The following SNU13 variants were observed in gnomAD, a reference collection of about 807,000 sequenced individuals.
The protein encoded by SNU13 is small nuclear ribonucleoprotein 13, also known as NHP2-like protein 1.
SNU13 carries 2 observed loss-of-function variants against 12.4 expected under a neutral mutation model. That is an observed-to-expected ratio of 0.16 (90% confidence interval 0.07 to 0.51). SNU13 has a LOEUF of 0.51. Ranked by LOEUF, SNU13 falls within the 20% of genes least tolerant of loss-of-function variation. The pLI is 0.96. For missense variants in SNU13, 66 were observed against 157.8 expected (o/e 0.42, Z 3.12); for synonymous variants, 68 against 66.5 (o/e 1.02, Z -0.11).
At chr22:41,688,684 C>G (rs2068332748) in intron 1 of SNU13, 110 bp downstream of exon 1, 1 of 1,450,660 alleles carries the variant, frequency 6.9e-7, no homozygotes, top group Non-Finnish European at 9.3e-7. Context: ...TAAGACCCAA[C>G]GCCGGCGGAT....
intron 1 of SNU13, among the ~76,000 whole-genome samples, chr22:41,683,044 G>C (rs1569109892): frequency 6.6e-6 from 1 of 152,126 alleles, no homozygotes; most frequent in African/African-American, 2.4e-5. Context: ...CTGTCACCCA[G>C]GCTGGAGTGT....
intron 1 of SNU13, among the ~76,000 whole-genome samples, chr22:41,681,814 G>A (rs747667124): frequency 6.6e-6 from 1 of 152,154 alleles, no homozygotes; most frequent in Admixed American, 6.5e-5. Context: ...GGCGGAGGAT[G>A]CAATGAGCGG....
At chr22:41,676,495 TAAAA>T (rs781046130) in intron 2 of SNU13, among the ~76,000 whole-genome samples, 1 of 151,082 alleles carries the variant, frequency 6.6e-6, no homozygotes, top group Non-Finnish European at 1.5e-5. Context: ...TTCTACCTAA[TAAAA>T]AAAGAATTAC....
At chr22:41,690,213 CAAG>C (rs1480577757), upstream of SNU13, among the ~76,000 whole-genome samples, 1 of 152,098 alleles carries the variant, frequency 6.6e-6, no homozygotes, top group Non-Finnish European at 1.5e-5. Flanking sequence ...AGTGGTTAAA[CAAG>C]AATACATGTA....
chr22:41,688,653 TCTAA>T (rs1420936424), intron 1 of SNU13, 137 bp downstream of exon 1: 6 of 1,227,840 alleles, frequency 4.9e-6, no homozygotes, highest in East Asian at 2.5e-5. Flanking sequence ...CTGCTGGGGT[TCTAA>T]CTAAGGGCCC....
upstream of SNU13, among the ~76,000 whole-genome samples, chr22:41,690,097 G>A (rs2068348166): frequency 6.6e-6 from 1 of 152,110 alleles, no homozygotes; most frequent in African/African-American, 2.4e-5. Context: ...GGGTAAAAGA[G>A]TCTTCAGGGT....
chr22:41,686,304 CT>C (rs747241334), intron 1 of SNU13, among the ~76,000 whole-genome samples: 604 of 138,418 alleles, frequency 4.4e-3, no homozygotes, highest in Middle Eastern at 7.3e-3. Flanking sequence ...ATTCTTTTAT[CT>C]TTTTTTTTTT....
intron 2 of SNU13, 102 bp downstream of exon 2, chr22:41,680,142 G>A (rs1332285604): frequency 1.3e-5 from 18 of 1,382,890 alleles, no homozygotes; most frequent in African/African-American, 2.9e-5. Flanking sequence ...GGTTGTAGTC[G>A]AGAGCAGCTA....
upstream of SNU13, among the ~76,000 whole-genome samples, chr22:41,689,835 G>A (rs1159080202): frequency 6.6e-6 from 1 of 151,800 alleles, no homozygotes; most frequent in Admixed American, 6.6e-5. Context: ...AAAATTAGCC[G>A]GGCGTGGTGG....
At chr22:41,678,926 C>G (rs1438642153) in intron 2 of SNU13, among the ~76,000 whole-genome samples, 1 of 152,190 alleles carries the variant, frequency 6.6e-6, no homozygotes, top group African/African-American at 2.4e-5. Context: ...GACAAAAGAG[C>G]TCTACCACAT....
At chr22:41,681,260 T>A (rs1412486612) in intron 1 of SNU13, 11 of 152,230 alleles carry the variant, frequency 7.2e-5, no homozygotes, top group Non-Finnish European at 1.6e-4. Context: ...TTAGGATATA[T>A]CCTATCAAAG....
At chr22:41,687,333 A>C (rs79621386) in intron 1 of SNU13, among the ~76,000 whole-genome samples, 8,095 of 152,242 alleles carry the variant, frequency 0.053, 674 homozygotes, top group African/African-American at 0.18. Flanking sequence ...ATGATATGTC[A>C]ATTTAAAAAA....
upstream of SNU13, chr22:41,688,958 G>T (rs2068337337): frequency 1.5e-6 from 2 of 1,362,174 alleles, no homozygotes; most frequent in Non-Finnish European, 1.9e-6. Context: ...GCCCTCTACG[G>T]GGGCACTGGC....
chr22:41,680,216 C>T (rs920899034), intron 2 of SNU13, 28 bp downstream of exon 2: 10 of 1,598,644 alleles, frequency 6.3e-6, no homozygotes, highest in Non-Finnish European at 8.5e-6. Flanking sequence ...CTTTAACATT[C>T]CCCCAGAGCA....
upstream of SNU13, chr22:41,690,466 A>G: frequency 1.4e-6 from 1 of 732,794 alleles, no homozygotes. Context: ...CAGGCCTGGC[A>G]CCAGGGTCAG....
At chr22:41,680,472 C>T in intron 1 of SNU13, 108 bp from the exon 2 acceptor site, 1 of 1,215,268 alleles carries the variant, frequency 8.2e-7, no homozygotes, top group Non-Finnish European at 1.1e-6. Context: ...TGCCCTGCTC[C>T]CTAACCCTCA....
chr22:41,675,309 G>A (rs1009797950), intron 2 of SNU13, 114 bp from the exon 3 acceptor site: 2 of 1,340,944 alleles, frequency 1.5e-6, no homozygotes, highest in Admixed American at 2.0e-5. Context: ...ACCGGCCCTG[G>A]GATATGATAA....
In SNU13 at chr22:41,675,132, A is replaced by G; in HGVS notation, c.188T>C (p.Leu63Pro). ...CAGCGGCAGGTGCAGAATGATCTCC[A>G]GTGGCTCGGCGTCTGCAGCCATCAC... ...FIVMAADAEP[L>P]EIILHLPLLC... is the part of the protein sequence containing the mutation. Residue 63 changes from leucine to proline, a missense_variant, in exon 3 of 3, where the codon CTG (leucine) becomes CCG (proline). Transcript: ENST00000401959. The G allele has an allele frequency of 6.2e-7, 1 of 1,614,168 alleles. No individual in the cohort carries two copies. The highest frequency in any genetic ancestry group is 8.5e-7 in the Non-Finnish European group (1 of 1,180,034).
intron 2 of SNU13, among the ~76,000 whole-genome samples, chr22:41,679,506 A>G (rs978812357): frequency 1.3e-5 from 2 of 152,154 alleles, no homozygotes; most frequent in Non-Finnish European, 2.9e-5. Flanking sequence ...CAGTAAGCTG[A>G]GATCCTGCCA....
Sources: allele counts gnomAD v4.1 joint callset (sites outside exome capture counted in the v4.1 genomes callset), GRCh38; gene constraint gnomAD v4.1.1; transcripts MANE v1.5; gene names NCBI Gene and HGNC (gene_info 2026-07-23, HGNC 2026-07-21).